The following PTPRQ variants were observed in gnomAD, a reference collection of about 807,000 sequenced individuals.
PTPRQ encodes phosphatidylinositol phosphatase PTPRQ.
In PTPRQ, 199 loss-of-function variants were observed where a neutral mutation model predicts 246.0. That is an observed-to-expected ratio of 0.81 (90% CI 0.72 to 0.91). The LOEUF is 0.91. Among genes scored for constraint, PTPRQ ranks in the 40% least tolerant of loss-of-function variants. The pLI is 0.00. For missense variants in PTPRQ, 2,624 were observed against 2,528.4 expected (o/e 1.04, Z -0.81); for synonymous variants, 869 against 853.2 (o/e 1.02, Z -0.32).
chr12:80,607,293 C>G (rs1898360235), intron 27 of PTPRQ, among the ~76,000 whole-genome samples: 1 of 150,838 alleles, frequency 6.6e-6, no homozygotes, highest in South Asian at 2.1e-4. Flanking sequence ...AAGGGAAGGT[C>G]ATTAAATAAC....
chr12:80,562,683 G>A (rs961848740), intron 25 of PTPRQ, among the ~76,000 whole-genome samples: 4 of 151,922 alleles, frequency 2.6e-5, no homozygotes, highest in Non-Finnish European at 5.9e-5. Context: ...AGAGAAAATA[G>A]ACCAATAATC....
At chr12:80,598,886 T>C (rs924950950) in intron 26 of PTPRQ, among the ~76,000 whole-genome samples, 1 of 151,996 alleles carries the variant, frequency 6.6e-6, no homozygotes, top group Non-Finnish European at 1.5e-5. Context: ...CTAAAAACCA[T>C]AGAGTATTTT....
chr12:80,452,311 T>G (rs1259524462), intron 3 of PTPRQ, among the ~76,000 whole-genome samples: 1 of 151,780 alleles, frequency 6.6e-6, no homozygotes, highest in Non-Finnish European at 1.5e-5. Context: ...GTCTTGACTC[T>G]TTATCCAATT....
intron 23 of PTPRQ, among the ~76,000 whole-genome samples, chr12:80,543,736 A>C (rs1000523739): frequency 2.0e-5 from 3 of 152,140 alleles, no homozygotes; most frequent in Admixed American, 1.3e-4. Context: ...GTCATCGGGA[A>C]CAATGACTTT....
intron 25 of PTPRQ, among the ~76,000 whole-genome samples, chr12:80,564,972 A>C (rs1896935212): frequency 6.6e-6 from 1 of 152,214 alleles, no homozygotes; most frequent in Non-Finnish European, 1.5e-5. Flanking sequence ...ACTTTTGTCC[A>C]AAGTGGATTT....
At chr12:80,459,213 A>T (rs1565717916) in intron 4 of PTPRQ, 71 bp from the exon 5 acceptor site, 6 of 397,210 alleles carry the variant, frequency 1.5e-5, no homozygotes, top group Non-Finnish European at 2.2e-5. Flanking sequence ...TTCATGTACC[A>T]TGAAATTATA....
chr12:80,500,113 A>G (rs1167543306), intron 14 of PTPRQ, among the ~76,000 whole-genome samples: 3 of 151,974 alleles, frequency 2.0e-5, no homozygotes, highest in Non-Finnish European at 4.4e-5. Context: ...ATTTGTCTGC[A>G]TACATTAAAG....
At chr12:80,592,764 C>A (rs1565806689) in intron 26 of PTPRQ, among the ~76,000 whole-genome samples, 1 of 152,116 alleles carries the variant, frequency 6.6e-6, no homozygotes, top group Non-Finnish European at 1.5e-5. Flanking sequence ...AATCCCAGCA[C>A]TTTGGGAGGC....
intron 35 of PTPRQ, among the ~76,000 whole-genome samples, chr12:80,640,268 A>G (rs1429056711): frequency 1.3e-5 from 2 of 152,164 alleles, no homozygotes; most frequent in Non-Finnish European, 2.9e-5. Flanking sequence ...GGAACTGGAA[A>G]ACTTTTAGTA....
chr12:80,619,104 A>C (rs910534709), intron 30 of PTPRQ, among the ~76,000 whole-genome samples: 18 of 151,518 alleles, frequency 1.2e-4, no homozygotes, highest in South Asian at 4.1e-4. Flanking sequence ...TATGAGTGAG[A>C]GCATGTATAA....
intron 17 of PTPRQ, among the ~76,000 whole-genome samples, chr12:80,515,530 C>T (rs1895266753): frequency 6.6e-6 from 1 of 151,728 alleles, no homozygotes; most frequent in Admixed American, 6.6e-5. Flanking sequence ...AAGTGATTCT[C>T]CTGCCTCAGC....
chr12:80,534,175 G>A lies in PTPRQ; in HGVS notation c.2839G>A (p.Ala947Thr). 6.6e-7 allele frequency: 1 copy of A among 1,522,434 alleles called. No individual in the cohort carries two copies. The highest frequency in any genetic ancestry group is 8.8e-7 in the Non-Finnish European group (1 of 1,133,942). The allele number at this position is 1,522,434 out of a possible 1,614,324, so 94.3% of individuals were successfully genotyped here. ...NIISFQTPEG[A>T]PSDPPKDVYY... The stretch of plus-strand genomic sequence containing the variant: ...CATTAGCTTTCAAACACCAGAGGGA[G>A]GTGAGTTAAGGATGTATGCCAATTA... Residue 947 changes from alanine to threonine, a missense_variant and splice_region_variant, in exon 18 of 45, where the codon GCA becomes ACA. By Grantham distance (58) the Ala-to-Thr change is moderately conservative. Transcript: ENST00000644991.
In PTPRQ at chr12:80,669,123, G is replaced by C; in HGVS notation, c.6309G>C (p.Gln2103His). ...TRAKTLVMLTQCFEKGRIRCH... is the reference protein window; with the variant it reads ...TRAKTLVMLTHCFEKGRIRCH... ...CAAAAACATTAGTAATGCTAACACA[G>C]TGTTTTGAAAAAGGACGGGTAAGTT... Residue 2103 changes from glutamine (Q) to histidine (H), a missense_variant, in exon 40 of 45, where the codon CAG (glutamine) becomes CAC (histidine). Coordinates refer to ENST00000644991, the MANE Select transcript of PTPRQ (RefSeq NM_001145026.2). 1 of 1,546,616 alleles carries C rather than the reference G, an allele frequency of 6.5e-7. No individual in the cohort carries two copies. Among genetic ancestry groups the C allele is most frequent in the African/African-American group, 1.4e-5 (1 of 72,770 alleles).
chr12:80,447,662 T>G (rs1465401719), intron 3 of PTPRQ, among the ~76,000 whole-genome samples: 3 of 150,778 alleles, frequency 2.0e-5, no homozygotes, highest in Non-Finnish European at 4.4e-5. Context: ...AGAATATCCT[T>G]TCCCCATTGT....
intron 17 of PTPRQ, among the ~76,000 whole-genome samples, chr12:80,514,635 T>C (rs902496956): frequency 1.4e-5 from 2 of 143,788 alleles, no homozygotes; most frequent in African/African-American, 2.5e-5. Flanking sequence ...TTTTTAAATA[T>C]ATTTGTATAT....
In PTPRQ at chr12:80,613,816, G is replaced by C; in HGVS notation, c.5143G>C (p.Gly1715Arg). 6.5e-7 allele frequency: 1 copy of C among 1,536,344 alleles called. No individual in the cohort carries two copies. The highest frequency in any genetic ancestry group is 8.8e-7 in the Non-Finnish European group (1 of 1,138,884). Residue 1715 changes from glycine to arginine, a missense_variant, in exon 29 of 45, where the codon GGA becomes CGA. Physicochemically the swap from Gly to Arg is moderately radical, Grantham distance 125. Transcript: ENST00000644991. ...TGCAATGCTAGAAGGACTAAAAGGT[G>C]GACATACATACAATATCAGTGTAAG... is the stretch of plus-strand genomic sequence containing the variant. ...VIAMLEGLKG[G>R]HTYNISVYAV...
At chr12:80,494,507 A>G (rs569418712) in intron 10 of PTPRQ, among the ~76,000 whole-genome samples, 9 of 152,108 alleles carry the variant, frequency 5.9e-5, no homozygotes, top group African/African-American at 2.2e-4. Flanking sequence ...TCAATTATAT[A>G]TTTCTTTAAC....
At chr12:80,538,245 T>C (rs952497326) in intron 19 of PTPRQ, among the ~76,000 whole-genome samples, 2 of 152,176 alleles carry the variant, frequency 1.3e-5, no homozygotes, top group Non-Finnish European at 2.9e-5. Flanking sequence ...AGACATTTTG[T>C]TTTTGCAAAA....
chr12:80,675,405 T>C, intron 43 of PTPRQ, among the ~76,000 whole-genome samples: 1 of 152,324 alleles, frequency 6.6e-6, no homozygotes, highest in Middle Eastern at 3.4e-3. Context: ...TTACTCATTA[T>C]TAAAATTCAA....
Sources: allele counts gnomAD v4.1 joint callset (sites outside exome capture counted in the v4.1 genomes callset), GRCh38; gene constraint gnomAD v4.1.1; transcripts MANE v1.5; gene names NCBI Gene and HGNC (gene_info 2026-07-23, HGNC 2026-07-21).